DIAPH3: variants seen among roughly 807,000 people sequenced by gnomAD.
DIAPH3 encodes diaphanous related formin 3.
A neutral mutation model predicts 144.3 loss-of-function variants in DIAPH3; 117 were observed. That is an observed-to-expected ratio of 0.81 (90% CI 0.70 to 0.95). The LOEUF is 0.95. Ranked by LOEUF, DIAPH3 falls within the 40% of genes least tolerant of loss-of-function variation. The pLI, the probability that DIAPH3 is intolerant of heterozygous loss-of-function variation, is 0.00. For synonymous variants in DIAPH3, 519 were observed against 488.9 expected, an observed-to-expected ratio of 1.06 and a Z score of -0.81; for missense variants, 1,421 against 1,412.7, an observed-to-expected ratio of 1.01 and a Z score of -0.09.
intron 27 of DIAPH3, among the ~76,000 whole-genome samples, chr13:59,750,091 A>G (rs985257027): frequency 6.6e-6 from 1 of 151,796 alleles, no homozygotes; most frequent in African/African-American, 2.4e-5. Context: ...GACTCTCTCA[A>G]TACAAAAAAA....
chr13:59,671,215 C>A (rs958816378), intron 27 of DIAPH3, among the ~76,000 whole-genome samples: 1 of 152,144 alleles, frequency 6.6e-6, no homozygotes, highest in Non-Finnish European at 1.5e-5. Flanking sequence ...TATACTCTAC[C>A]AGGTGCTCAG....
intron 1 of DIAPH3, among the ~76,000 whole-genome samples, chr13:60,146,385 C>CA (rs975964209): frequency 2.6e-5 from 4 of 151,882 alleles, no homozygotes; most frequent in African/African-American, 9.7e-5. Context: ...CTTGGTGATT[C>CA]AAAAAAACAA....
chr13:60,122,647 A>G (rs2058877128), intron 2 of DIAPH3, among the ~76,000 whole-genome samples: 1 of 152,318 alleles, frequency 6.6e-6, no homozygotes, highest in Middle Eastern at 3.4e-3. Context: ...TAAATAAAAA[A>G]TAATTAACAC....
intron 17 of DIAPH3, among the ~76,000 whole-genome samples, chr13:59,953,127 C>T (rs2049187595): frequency 6.6e-6 from 1 of 152,088 alleles, no homozygotes; most frequent in Non-Finnish European, 1.5e-5. Context: ...ATGGGAACCT[C>T]ATTGAGAAAG....
chr13:60,152,899 C>T (rs1594792251), intron 1 of DIAPH3, among the ~76,000 whole-genome samples: 1 of 152,046 alleles, frequency 6.6e-6, no homozygotes, highest in Admixed American at 6.6e-5. Context: ...GGTTCAGGTA[C>T]ACATCTAATT....
intron 27 of DIAPH3, among the ~76,000 whole-genome samples, chr13:59,687,028 C>T (rs1229447549): frequency 6.6e-6 from 1 of 152,030 alleles, no homozygotes; most frequent in African/African-American, 2.4e-5. Flanking sequence ...CCTGTAAAGA[C>T]TGAGTCTAGA....
chr13:59,877,928 C>T (rs577707564), intron 21 of DIAPH3, among the ~76,000 whole-genome samples: 1 of 152,180 alleles, frequency 6.6e-6, no homozygotes, highest in South Asian at 2.1e-4. Context: ...AGCTTAAATT[C>T]CCATTTCTCT....
intron 5 of DIAPH3, among the ~76,000 whole-genome samples, chr13:60,028,254 T>C (rs1174729663): frequency 6.6e-6 from 1 of 152,100 alleles, no homozygotes; most frequent in Admixed American, 6.5e-5. Context: ...ACAAGCATGG[T>C]CAGCACTTCT....
intron 4 of DIAPH3, among the ~76,000 whole-genome samples, chr13:60,083,729 T>A (rs1291548369): frequency 6.6e-6 from 1 of 151,958 alleles, no homozygotes; most frequent in Admixed American, 6.6e-5. Flanking sequence ...ACCAAGGGAC[T>A]CCCTCTCAAA....
At chr13:59,731,141 A>G (rs1422186165) in intron 27 of DIAPH3, among the ~76,000 whole-genome samples, 2 of 152,138 alleles carry the variant, frequency 1.3e-5, no homozygotes, top group Admixed American at 6.6e-5. Flanking sequence ...TGCTTATCAT[A>G]TCTTCTCATT....
At chr13:60,029,023 C>T (rs991601277) in intron 5 of DIAPH3, among the ~76,000 whole-genome samples, 2 of 150,754 alleles carry the variant, frequency 1.3e-5, no homozygotes, top group Non-Finnish European at 2.9e-5. Flanking sequence ...CGTGCCACTG[C>T]ACTCCAGTCT....
rs774931103 is a variant in DIAPH3, at chr13:60,132,935, GA to G, written c.213+21del. ...TGGTTAGTTACAATTCATAACAAAGGAAAAGTTGAGGATAATCTTACCATAT... is the reference window on the plus strand; with the variant it reads ...TGGTTAGTTACAATTCATAACAAAGGAAAGTTGAGGATAATCTTACCATAT... On this transcript the variant is annotated intron_variant, in intron 2 of 27. Transcript: ENST00000400324. 5.0e-6 allele frequency: 8 copies of G among 1,599,352 alleles called. No individual in the cohort carries two copies. In the African/African-American group the frequency reaches 9.4e-5, roughly 19 times the overall value.
At chr13:59,690,261 T>C (rs1280191070) in intron 27 of DIAPH3, among the ~76,000 whole-genome samples, 2 of 152,166 alleles carry the variant, frequency 1.3e-5, no homozygotes, top group Non-Finnish European at 2.9e-5. Flanking sequence ...CATTCTTATA[T>C]ACATTACTTT....
At chr13:59,800,000 CACTT>C in intron 25 of DIAPH3, among the ~76,000 whole-genome samples, 1 of 138,190 alleles carries the variant, frequency 7.2e-6, no homozygotes, top group South Asian at 2.6e-4. Context: ...ATGAGATAAA[CACTT>C]ACTTCAAAAA....
chr13:60,060,753 G>T (rs2056737944), intron 4 of DIAPH3, among the ~76,000 whole-genome samples: 1 of 151,912 alleles, frequency 6.6e-6, no homozygotes, highest in South Asian at 2.1e-4. Flanking sequence ...AAGGATAATA[G>T]ACCTAAATTT....
rs567582141 is a variant in DIAPH3, at chr13:60,137,039, G to C, written c.181-4050C>G. 3.3e-5 allele frequency among the ~76,000 whole-genome samples: 5 copies of C among 152,260 alleles called. No individual in the cohort carries two copies. In the South Asian group the frequency reaches 1.0e-3, roughly 32 times the overall value. ...AAGAATATGAGGGCTCTTTTCCTAA[G>C]CTAAAAACTCATCCTTCTTCCTCTG... is the stretch of plus-strand genomic sequence containing the variant. On this transcript the variant is annotated intron_variant, in intron 1 of 27. Coordinates refer to ENST00000400324, the MANE Select transcript of DIAPH3 (RefSeq NM_001042517.2).
At chr13:60,137,742 C>CA (rs769159275) in intron 1 of DIAPH3, among the ~76,000 whole-genome samples, 1 of 125,734 alleles carries the variant, frequency 8.0e-6, no homozygotes, top group African/African-American at 3.0e-5. Context: ...TTAAAATTGA[C>CA]TTTTTTTTTT....
At chr13:59,747,630 G>A (rs533043655) in intron 27 of DIAPH3, among the ~76,000 whole-genome samples, 1 of 152,188 alleles carries the variant, frequency 6.6e-6, no homozygotes, top group Admixed American at 6.5e-5. Context: ...GCTGGAAGGA[G>A]AGGGCCATAT....
intron 9 of DIAPH3, among the ~76,000 whole-genome samples, chr13:59,996,044 T>G (rs1169287152): frequency 6.6e-6 from 1 of 152,016 alleles, no homozygotes; most frequent in Non-Finnish European, 1.5e-5. Flanking sequence ...GTATGGAAAG[T>G]GGTCTCAACA....
Sources: gnomAD v4.1 joint callset for allele counts (sites outside exome capture counted in the v4.1 genomes callset) on GRCh38, gnomAD v4.1.1 for gene constraint, MANE v1.5 for transcripts, NCBI Gene and HGNC (gene_info 2026-07-23, HGNC 2026-07-21) for gene names.